SOX5: variants seen among roughly 807,000 people sequenced by gnomAD.
SOX5 encodes transcription factor SOX-5.
Under a neutral mutation model 92.0 loss-of-function variants are expected in SOX5, and 9 were observed. That is an observed-to-expected ratio of 0.10 (90% CI 0.06 to 0.17). The LOEUF (loss-of-function observed/expected upper bound fraction) is 0.17. SOX5 is among the 10% of genes least tolerant of loss of function. The pLI is 1.00. For synonymous variants in SOX5, 344 were observed against 336.3 expected, an observed-to-expected ratio of 1.02 and a Z score of -0.25; for missense variants, 642 against 944.5, an observed-to-expected ratio of 0.68 and a Z score of 4.20.
rs35620007 is a variant in SOX5 at position 23,567,464 on chromosome 12, ATTTTTTT to A, written c.1343-4068_1343-4062del. 2.9e-4 allele frequency among the ~76,000 whole-genome samples: 34 copies of A among 119,142 alleles called. 1 individual carries two copies. The South Asian group carries it at 8.3e-3, about 29-fold the overall frequency. The allele number at this position is 119,142 out of a possible 152,430, so 78.2% of individuals were successfully genotyped here. ...GTTAAATTCACTATAATTTGATTTG[ATTTTTTT>A]TTTTTTTTTTTTTTTGAAACAAGGT... On this transcript the variant is annotated intron_variant, in intron 10 of 14. Coordinates refer to ENST00000451604, the MANE Select transcript of SOX5 (RefSeq NM_006940.6).
chr12:24,442,924 G>C (rs1387184273), intron 1 of SOX5, among the ~76,000 whole-genome samples: 2 of 150,824 alleles, frequency 1.3e-5, no homozygotes, highest in Admixed American at 1.3e-4. Context: ...TACAACGTTT[G>C]AGCTTTGTAA....
At chr12:23,810,492 G>C (rs2095857982) in intron 3 of SOX5, among the ~76,000 whole-genome samples, 1 of 152,120 alleles carries the variant, frequency 6.6e-6, no homozygotes, top group Non-Finnish European at 1.5e-5. Flanking sequence ...TGTTTTAACA[G>C]CTGAGCTGAC....
intron 6 of SOX5, among the ~76,000 whole-genome samples, chr12:23,678,173 T>C (rs980970628): frequency 2.0e-5 from 3 of 152,166 alleles, no homozygotes; most frequent in Non-Finnish European, 4.4e-5. Flanking sequence ...CCATTGAACA[T>C]AGTGTCATTT....
At chr12:24,443,761 A>G (rs151171055) in intron 1 of SOX5, among the ~76,000 whole-genome samples, 1 of 152,368 alleles carries the variant, frequency 6.6e-6, no homozygotes, top group East Asian at 1.9e-4. Flanking sequence ...TATCAATGTA[A>G]CAGGTTGAGA....
intron 4 of SOX5, among the ~76,000 whole-genome samples, chr12:24,174,847 C>G (rs1394164224): frequency 2.0e-5 from 3 of 151,968 alleles, no homozygotes; most frequent in Non-Finnish European, 4.4e-5. Flanking sequence ...AAAAGGGACA[C>G]TGCTTAATGG....
rs11047292 is a variant in SOX5, at chr12:24,168,978, T to A, written c.-2+44365A>T. Among the ~76,000 whole-genome samples, 1,445 of 151,352 alleles carry A rather than the reference T, an allele frequency of 9.5e-3. 19 individuals are homozygous for A. The highest frequency in any genetic ancestry group is 0.032 in the African/African-American group (1,328 of 41,208). The stretch of plus-strand genomic sequence containing the variant: ...ACAACCCAACTTTCCAAAAAAAAAA[T>A]AATAATAAGATAGGGTAGGTGTAGC... On this transcript the variant is annotated intron_variant, in intron 4 of 4. Transcript: ENST00000446891.
intron 4 of SOX5, among the ~76,000 whole-genome samples, chr12:24,211,811 TATGAG>T (rs2139678485): frequency 6.6e-6 from 1 of 152,358 alleles, no homozygotes; most frequent in Admixed American, 6.5e-5. Context: ...TACAGGGATC[TATGAG>T]ATGTTTGTCC....
chr12:23,828,609 G>A (rs2096268597), intron 3 of SOX5, among the ~76,000 whole-genome samples: 1 of 152,072 alleles, frequency 6.6e-6, no homozygotes, highest in East Asian at 1.9e-4. Context: ...TCCTGTGACA[G>A]CCCAGAAACA....
At chr12:23,641,587 G>C (rs1479888593) in intron 7 of SOX5, among the ~76,000 whole-genome samples, 1 of 151,630 alleles carries the variant, frequency 6.6e-6, no homozygotes, top group Non-Finnish European at 1.5e-5. Context: ...ACTGTTATAT[G>C]ACCTGTAAAA....
chr12:24,094,365 A>G (rs1001805185), intron 4 of SOX5, among the ~76,000 whole-genome samples: 14 of 151,210 alleles, frequency 9.3e-5, no homozygotes, highest in African/African-American at 3.2e-4. Context: ...CTGTTTTGCT[A>G]TTATGTTGTC....
chr12:24,282,547 G>A (rs188534526), intron 2 of SOX5, among the ~76,000 whole-genome samples: 247 of 149,914 alleles, frequency 1.6e-3, no homozygotes, highest in Middle Eastern at 3.4e-3. Context: ...AAAAAAAGGT[G>A]TTGCCCAATT....
chr12:23,854,688 A>G (rs1239877660), intron 2 of SOX5, among the ~76,000 whole-genome samples: 1 of 152,134 alleles, frequency 6.6e-6, no homozygotes, highest in Non-Finnish European at 1.5e-5. Flanking sequence ...AAGATGGGTT[A>G]AGCACAGAGA....
intron 1 of SOX5, among the ~76,000 whole-genome samples, chr12:24,560,461 T>A (rs1954227137): frequency 6.6e-6 from 1 of 152,202 alleles, no homozygotes; most frequent in South Asian, 2.1e-4. Context: ...GCACAGTGCC[T>A]AAAAGAACTT....
chr12:24,511,650 A>G (rs551699697), intron 1 of SOX5, among the ~76,000 whole-genome samples: 2 of 152,262 alleles, frequency 1.3e-5, no homozygotes, highest in African/African-American at 2.4e-5. Flanking sequence ...ATCAATAACG[A>G]CATTTTATTT....
intron 1 of SOX5, among the ~76,000 whole-genome samples, chr12:24,483,840 T>C (rs1946247231): frequency 6.6e-6 from 1 of 152,254 alleles, no homozygotes; most frequent in South Asian, 2.1e-4. Context: ...GCATTCTCTT[T>C]AGTAATTCTC....
intron 4 of SOX5, among the ~76,000 whole-genome samples, chr12:23,993,350 G>GA (rs564338282): frequency 6.6e-6 from 1 of 152,018 alleles, no homozygotes; most frequent in South Asian, 2.1e-4. Flanking sequence ...TAAAAGCAAA[G>GA]AAAAAAACTA....
intron 6 of SOX5, among the ~76,000 whole-genome samples, chr12:23,719,806 A>AAAG (rs894356524): frequency 6.6e-6 from 1 of 150,742 alleles, no homozygotes; most frequent in Non-Finnish European, 1.5e-5. Flanking sequence ...AAAAAAAAAA[A>AAAG]AAAAACTGAT....
intron 1 of SOX5, among the ~76,000 whole-genome samples, chr12:24,511,384 T>G (rs1249000686): frequency 3.9e-5 from 6 of 152,222 alleles, no homozygotes; most frequent in Admixed American, 2.6e-4. Context: ...TATGTGAAAT[T>G]TCTATGTCCA....
At chr12:23,541,347 A>AT (rs1941996367) in intron 13 of SOX5, among the ~76,000 whole-genome samples, 2 of 152,170 alleles carry the variant, frequency 1.3e-5, no homozygotes, top group African/African-American at 4.8e-5. Context: ...AAATCTTAGT[A>AT]TTTAACTTGG....
Sources: allele counts gnomAD v4.1 joint callset (sites outside exome capture counted in the v4.1 genomes callset), GRCh38; gene constraint gnomAD v4.1.1; transcripts MANE v1.5; gene names NCBI Gene and HGNC (gene_info 2026-07-23, HGNC 2026-07-21).